The following MGAT1 variants were observed in gnomAD, a reference collection of about 807,000 sequenced individuals.
The protein encoded by MGAT1 is N-glycosyl-oligosaccharide-glycoprotein N-acetylglucosaminyltransferase I.
Under a neutral mutation model 31.7 loss-of-function variants are expected in MGAT1, and 14 were observed. That is an observed-to-expected ratio of 0.44 (90% CI 0.29 to 0.69). The LOEUF is 0.69. MGAT1 is among the 30% of genes least tolerant of loss of function. The pLI is 0.12. For synonymous variants in MGAT1, 338 were observed against 276.0 expected, an observed-to-expected ratio of 1.22 and a Z score of -2.23; for missense variants, 557 against 626.0, an observed-to-expected ratio of 0.89 and a Z score of 1.18.
chr5:180,801,036 C>T (rs1475269446), intron 1 of MGAT1, among the ~76,000 whole-genome samples: 1 of 152,206 alleles, frequency 6.6e-6, no homozygotes, highest in Non-Finnish European at 1.5e-5. Flanking sequence ...TGAGTCTTTT[C>T]AGTACAAAAC....
rs370302379 is a variant in MGAT1 at position 180,788,758 on chromosome 5, T to C, written c.*2876A>G. Reference sequence around the variant, plus strand: ...TACTTATCCTGGAGCACTAAGTAAGTTGGTACTTATCCTGGAGCACTAAGT... The same window carrying C: ...TACTTATCCTGGAGCACTAAGTAAGCTGGTACTTATCCTGGAGCACTAAGT... On this transcript the variant is annotated 3_prime_UTR_variant, in exon 2 of 2. Transcript: ENST00000307826. The C allele has an allele frequency of 8.7e-5, 12 of 137,990 alleles. No homozygotes were observed. In the East Asian group the frequency reaches 2.6e-3, roughly 30 times the overall value. The allele number at this position is 137,990 out of a possible 1,614,324, so 8.5% of individuals were successfully genotyped here.
rs1205962728 is a variant in MGAT1 at position 180,792,183 on chromosome 5, A to C, written c.789T>G (p.Phe263Leu). 1.2e-6 allele frequency: 2 copies of C among 1,613,012 alleles called. No individual in the cohort carries two copies. Among genetic ancestry groups the C allele is most frequent in the Non-Finnish European group, 1.7e-6 (2 of 1,179,986 alleles). Residue 263 changes from phenylalanine (F) to leucine (L), a missense_variant, in exon 2 of 2, where the codon TTT (phenylalanine) becomes TTG (leucine). Around this residue, in one of 3 missense-constraint regions of MGAT1, gnomAD observed 245 missense variants for 332.9 expected, o/e 0.74. Transcript: ENST00000307826. ...ACAGCAGCCAGCCCAGGCCAGGGAA[A>C]AAGTCGGTGCGGTAGAGCAGCTCAG... Reference protein sequence around the residue: ...SRPELLYRTDFFPGLGWLLLA... With the variant: ...SRPELLYRTDLFPGLGWLLLA...
upstream of MGAT1, among the ~76,000 whole-genome samples, chr5:180,806,738 CAG>C (rs1771929503): frequency 6.6e-6 from 1 of 152,200 alleles, no homozygotes; most frequent in African/African-American, 2.4e-5. Context: ...TGAGGGAAAA[CAG>C]ACAAAACAGA....
upstream of MGAT1, chr5:180,802,815 G>A (rs1581889161): frequency 6.6e-6 from 1 of 151,582 alleles, no homozygotes; most frequent in South Asian, 2.1e-4. Context: ...GCGGCGCGCC[G>A]GGGCCGGACG....
At chr5:180,810,767 T>A (rs1415467121) in intron 1 of MGAT1, 1 of 151,868 alleles carries the variant, frequency 6.6e-6, no homozygotes, top group African/African-American at 2.4e-5. Flanking sequence ...ACGCGAGCTC[T>A]GTGTAGCCGT....
chr5:180,797,677 A>G (rs1465294090), intron 1 of MGAT1, among the ~76,000 whole-genome samples: 1 of 152,160 alleles, frequency 6.6e-6, no homozygotes, highest in Non-Finnish European at 1.5e-5. Flanking sequence ...AAGTCTGCAC[A>G]CACATGGAGT....
At chr5:180,799,835 G>C (rs909771935) in intron 1 of MGAT1, among the ~76,000 whole-genome samples, 3 of 152,136 alleles carry the variant, frequency 2.0e-5, no homozygotes, top group East Asian at 1.9e-4. Flanking sequence ...ACTCATAAAA[G>C]GCAGTAGTTT....
intron 1 of MGAT1, among the ~76,000 whole-genome samples, chr5:180,812,258 A>G (rs1022991166): frequency 6.6e-6 from 1 of 152,262 alleles, no homozygotes; most frequent in Non-Finnish European, 1.5e-5. Context: ...CTTTCACCGC[A>G]GAGTATTCCC....
At position 180,788,919 on chromosome 5, in the gene MGAT1, G is replaced by A. The variant is rs1162290954; in HGVS notation, c.*2715C>T. 6.6e-6 allele frequency: 1 copy of A among 152,286 alleles called. No individual in the cohort carries two copies. The highest frequency in any genetic ancestry group is 1.5e-5 in the Non-Finnish European group (1 of 68,088). The allele number at this position is 152,286 out of a possible 1,614,324, so 9.4% of individuals were successfully genotyped here. A position where few individuals can be genotyped will look rare whatever the true frequency, so the allele number is the denominator to read the frequency against. ...GAACAATGCACTTGGCTAGCTGCAT[G>A]ACATGCTATGCGCATGGAGCGTGGC... On this transcript the variant is annotated 3_prime_UTR_variant, in exon 2 of 2. Coordinates refer to ENST00000307826, the MANE Select transcript of MGAT1 (RefSeq NM_002406.4).
upstream of MGAT1, among the ~76,000 whole-genome samples, chr5:180,805,703 C>A (rs182243927): frequency 1.3e-5 from 2 of 151,884 alleles, no homozygotes; most frequent in African/African-American, 4.8e-5. Context: ...TGAGCAGAGA[C>A]CATGCCACTG....
rs1392128993 is a variant in MGAT1, at chr5:180,792,958, T to C, written c.14A>G (p.Gln5Arg). The C allele has an allele frequency of 6.2e-7, 1 of 1,613,380 alleles. No individual in the cohort carries two copies. ...GCCCCACAGCACAAGCCCTGCAGAC[T>C]GCTTCTTCAGCATCCTGGCCCCCAC... Reference protein sequence around the residue: MLKKQSAGLVLWGAI... With the variant: MLKKRSAGLVLWGAI... Residue 5 changes from glutamine (Q) to arginine (R), a missense_variant, in exon 2 of 2, where the codon CAG becomes CGG. Gln to Arg is a conservative substitution (Grantham distance 43, BLOSUM62 1). This residue lies in a region of MGAT1 where 167 missense variants were observed against 149.8 expected (regional missense o/e 1.11). Coordinates refer to ENST00000307826, the MANE Select transcript of MGAT1 (RefSeq NM_002406.4).
chr5:180,803,787 G>A (rs1226630026), upstream of MGAT1: 1 of 152,536 alleles, frequency 6.6e-6, no homozygotes, highest in African/African-American at 2.4e-5. Context: ...CTCTGCAGAA[G>A]CCTGATGCCC....
intron 1 of MGAT1, among the ~76,000 whole-genome samples, chr5:180,796,041 C>T (rs1001507776): frequency 2.5e-5 from 3 of 119,118 alleles, no homozygotes; most frequent in African/African-American, 9.4e-5. Flanking sequence ...CTGGTCTACC[C>T]TTTACACCCC....
chr5:180,786,192 G>A lies in MGAT1; in HGVS notation c.*5442C>T, dbSNP rs1464141184. 1 of 152,242 alleles carries A rather than the reference G, an allele frequency of 6.6e-6. No individual in the cohort carries two copies. Among genetic ancestry groups the A allele is most frequent in the Non-Finnish European group, 1.5e-5 (1 of 68,056 alleles). 9.4% of individuals were successfully genotyped at this position (152,242 alleles called of 1,614,324 possible). On this transcript the variant is annotated 3_prime_UTR_variant, in exon 2 of 2. Transcript: ENST00000307826. ...TGCCCTTGTCAGTCAGCACTTCCGGGGCTGTGTGTGGCCTTCAGGAATTTC... is the reference window on the plus strand; with the variant it reads ...TGCCCTTGTCAGTCAGCACTTCCGGAGCTGTGTGTGGCCTTCAGGAATTTC...
At chr5:180,794,576 C>T (rs1207344962) in intron 1 of MGAT1, among the ~76,000 whole-genome samples, 1 of 151,994 alleles carries the variant, frequency 6.6e-6, no homozygotes, top group African/African-American at 2.4e-5. Flanking sequence ...TTAAAATTCC[C>T]AAGGCAAAGA....
intron 1 of MGAT1, among the ~76,000 whole-genome samples, chr5:180,811,537 C>A (rs552285594): frequency 6.6e-6 from 1 of 152,202 alleles, no homozygotes; most frequent in Admixed American, 6.5e-5. Context: ...CACTCTCTCA[C>A]CCCCTCTACA....
intron 1 of MGAT1, among the ~76,000 whole-genome samples, chr5:180,814,125 ATTCATTTCAGAAAC>A (rs1289696069): frequency 6.6e-6 from 1 of 152,130 alleles, no homozygotes; most frequent in African/African-American, 2.4e-5. Context: ...GATCATTGTA[ATTCATTTCAGAAAC>A]TAGATATCTC....
At chr5:180,811,396 ATAT>A (rs1474903718) in intron 1 of MGAT1, 2 of 152,178 alleles carry the variant, frequency 1.3e-5, no homozygotes, top group Non-Finnish European at 2.9e-5. Context: ...TGCTTGGGAT[ATAT>A]TATTGCAAGG....
upstream of MGAT1, chr5:180,803,025 C>T (rs1771246129): frequency 6.6e-6 from 1 of 152,396 alleles, no homozygotes; most frequent in Admixed American, 6.5e-5. Context: ...CGGGAGTCGG[C>T]TTTCCGGCTC....
Sources: gnomAD v4.1 joint callset for allele counts (sites outside exome capture counted in the v4.1 genomes callset) on GRCh38, gnomAD v4.1.1 for gene constraint, gnomAD v4.1.1 regional missense constraint, MANE v1.5 for transcripts, NCBI Gene and HGNC (gene_info 2026-07-23, HGNC 2026-07-21) for gene names.